Variants in EXT2 observed in about 807,000 individuals in gnomAD.
EXT2 encodes the protein exostosin glycosyltransferase 2.
Under a neutral mutation model 81.6 loss-of-function variants are expected in EXT2, and 53 were observed. The observed-to-expected ratio is 0.65, with a 90% CI of 0.52 to 0.82. The LOEUF (loss-of-function observed/expected upper bound fraction) is 0.82, where lower values mean the gene tolerates loss of function less well. Ranked by LOEUF, EXT2 falls within the 40% of genes least tolerant of loss-of-function variation. The probability of loss-of-function intolerance (pLI) is 0.00; values close to 1 mark genes in which losing one functional copy is unlikely to be tolerated. For synonymous variants in EXT2, 320 were observed against 340.0 expected (o/e 0.94, Z 0.65); for missense variants, 774 against 910.2 (o/e 0.85, Z 1.93).
chr11:44,111,279 T>G (rs372172008), intron 3 of EXT2, among the ~76,000 whole-genome samples: 4 of 152,294 alleles, frequency 2.6e-5, no homozygotes, highest in South Asian at 4.1e-4. Flanking sequence ...ACATGATACA[T>G]ATATACTTTG....
chr11:44,101,980 G>C (rs891635692), intron 1 of EXT2, among the ~76,000 whole-genome samples: 29 of 151,318 alleles, frequency 1.9e-4, no homozygotes, highest in Admixed American at 1.6e-3. Context: ...GAGCTGGCAC[G>C]TGGAAGATTG....
At chr11:44,218,327 A>G (rs929946812) in intron 10 of EXT2, among the ~76,000 whole-genome samples, 44 of 152,164 alleles carry the variant, frequency 2.9e-4, no homozygotes, top group African/African-American at 9.2e-4. Flanking sequence ...TGTGTGTGGT[A>G]GTACAGGGGA....
chr11:44,124,706 C>A, intron 4 of EXT2, 83 bp from the exon 5 acceptor site: 1 of 1,126,540 alleles, frequency 8.9e-7, no homozygotes, highest in Non-Finnish European at 1.3e-6. Flanking sequence ...CACTTACTGT[C>A]ATAAGTTTAA....
intron 4 of EXT2, 53 bp from the exon 5 acceptor site, chr11:44,124,736 T>C (rs1418824077): frequency 2.6e-6 from 4 of 1,538,076 alleles, no homozygotes; most frequent in Non-Finnish European, 3.6e-6. Context: ...TTGTCTTACC[T>C]TGACTAACAT....
At chr11:44,176,192 C>A (rs1026077953) in intron 8 of EXT2, among the ~76,000 whole-genome samples, 3 of 152,042 alleles carry the variant, frequency 2.0e-5, no homozygotes, top group Admixed American at 2.0e-4. Flanking sequence ...CTGGTCATGA[C>A]CCAGACAGAA....
intron 9 of EXT2, among the ~76,000 whole-genome samples, chr11:44,198,981 T>C (rs930835811): frequency 1.3e-5 from 2 of 152,242 alleles, no homozygotes; most frequent in African/African-American, 4.8e-5. Flanking sequence ...TAGTTTCTCC[T>C]TTACTTCATG....
intron 5 of EXT2, 128 bp from the exon 6 acceptor site, chr11:44,126,687 AT>A (rs1954409471): frequency 1.7e-6 from 2 of 1,145,904 alleles, no homozygotes; most frequent in South Asian, 2.5e-5. Context: ...GTCTTTTGGC[AT>A]TTTTGTGTCA....
chr11:44,235,906 G>T (rs140301770), intron 12 of EXT2, among the ~76,000 whole-genome samples: 1 of 152,204 alleles, frequency 6.6e-6, no homozygotes, highest in Non-Finnish European at 1.5e-5. Flanking sequence ...GAGAAAGAGC[G>T]CCTGTTGGAA....
At chr11:44,178,607 C>T (rs1386674992) in intron 8 of EXT2, among the ~76,000 whole-genome samples, 1 of 152,158 alleles carries the variant, frequency 6.6e-6, no homozygotes, top group Non-Finnish European at 1.5e-5. Flanking sequence ...ACTCTGCAAG[C>T]TGAAGAAGCA....
At chr11:44,224,804 T>G (rs1421983328) in intron 10 of EXT2, among the ~76,000 whole-genome samples, 2 of 152,172 alleles carry the variant, frequency 1.3e-5, no homozygotes, top group Non-Finnish European at 2.9e-5. Context: ...CAGAGTTTAT[T>G]TTCTCCTTGG....
intron 12 of EXT2, among the ~76,000 whole-genome samples, chr11:44,235,706 T>A (rs1955955753): frequency 6.6e-6 from 1 of 152,182 alleles, no homozygotes; most frequent in Non-Finnish European, 1.5e-5. Context: ...TAGGTTGGGA[T>A]AGCAGCTTCC....
Position 44,249,081 on chromosome 11 carries a change from C to G in EXT2, c.*4794C>G, listed in dbSNP as rs1956119837. Among the ~76,000 whole-genome samples, 1 of 152,116 alleles carries G rather than the reference C, an allele frequency of 6.6e-6. No homozygotes were observed. The highest frequency in any genetic ancestry group is 2.4e-5 in the African/African-American group (1 of 41,404). On this transcript the variant is annotated 3_prime_UTR_variant, in exon 14 of 14. Coordinates refer to ENST00000533608, the MANE Select transcript of EXT2 (RefSeq NM_207122.2). ...CTGTGATCATGGCTCGCTGCAGCCT[C>G]AAACTCCTGGACTCAAGCAGTCTTC...
intron 7 of EXT2, among the ~76,000 whole-genome samples, chr11:44,156,703 C>T (rs1398105405): frequency 1.3e-5 from 2 of 152,230 alleles, no homozygotes; most frequent in African/African-American, 4.8e-5. Flanking sequence ...GTCTCTGTCA[C>T]TCCAGGATTG....
At chr11:44,097,372 A>T (rs1165106701) in intron 1 of EXT2, among the ~76,000 whole-genome samples, 1 of 152,212 alleles carries the variant, frequency 6.6e-6, no homozygotes, top group Non-Finnish European at 1.5e-5. Context: ...CTATCAAGTA[A>T]GGCAATGAAT....
chr11:44,244,480 A>T lies in EXT2; in HGVS notation c.*193A>T. On this transcript the variant is annotated 3_prime_UTR_variant, in exon 14 of 14. Transcript: ENST00000533608. ...AATATCCAAGCACCTCGAGCTATGCAACCTCTGTTCTTGTATTTCTTATGA... is the reference window on the plus strand; with the variant it reads ...AATATCCAAGCACCTCGAGCTATGCTACCTCTGTTCTTGTATTTCTTATGA... 1 of 606,024 alleles carries T rather than the reference A, an allele frequency of 1.7e-6. No homozygotes were observed. Among genetic ancestry groups the T allele is most frequent in the Non-Finnish European group, 2.9e-6 (1 of 340,332 alleles). 37.5% of individuals were successfully genotyped at this position (606,024 alleles called of 1,614,324 possible).
Position 44,187,668 on chromosome 11 carries a change from A to C in EXT2, c.1306-10161A>C, listed in dbSNP as rs556108749. 2.0e-5 allele frequency among the ~76,000 whole-genome samples: 3 copies of C among 152,296 alleles called. No individual in the cohort carries two copies. In the East Asian group the frequency reaches 5.8e-4, roughly 29 times the overall value. ...AGAATTGGGTGGGACTCTGGAGAGG[A>C]AAATTAAAAATACAGGAGGGTATTT... On this transcript the variant is annotated intron_variant, in intron 8 of 13. Coordinates refer to ENST00000533608, the MANE Select transcript of EXT2 (RefSeq NM_207122.2).
rs1955514704 is a variant in EXT2, at chr11:44,200,927, TAA to T, written c.1495+2915_1495+2916del. ...GGAGAAAACCGTTAATCAATATACT[TAA>T]AAAAAGAAATCCTTAACACAAGGAG... On this transcript the variant is annotated intron_variant, in intron 9 of 13. Transcript: ENST00000533608. 2.6e-5 allele frequency among the ~76,000 whole-genome samples: 4 copies of T among 152,190 alleles called. No homozygotes were observed. In the South Asian group the frequency reaches 8.3e-4, roughly 32 times the overall value.
intron 10 of EXT2, among the ~76,000 whole-genome samples, chr11:44,228,563 G>T (rs1447864755): frequency 6.6e-6 from 1 of 152,204 alleles, no homozygotes; most frequent in Non-Finnish European, 1.5e-5. Flanking sequence ...GTAGTCAGCT[G>T]CAGAGTTATA....
chr11:44,216,530 G>A (rs910306985), intron 10 of EXT2, among the ~76,000 whole-genome samples: 9 of 152,158 alleles, frequency 5.9e-5, no homozygotes, highest in African/African-American at 2.2e-4. Context: ...CGAATATGGT[G>A]AACCAGATCT....
Sources: gnomAD v4.1 joint callset for allele counts (sites outside exome capture counted in the v4.1 genomes callset) on GRCh38, gnomAD v4.1.1 for gene constraint, MANE v1.5 for transcripts, NCBI Gene and HGNC (gene_info 2026-07-23, HGNC 2026-07-21) for gene names.